Variants in CA10 observed in about 807,000 individuals in gnomAD.
CA10 encodes the protein carbonic anhydrase-related protein 10.
A neutral mutation model predicts 44.2 loss-of-function variants in CA10; 14 were observed. That is an observed-to-expected ratio of 0.32 (90% CI 0.21 to 0.50). The LOEUF (loss-of-function observed/expected upper bound fraction) is 0.50. Ranked by LOEUF, CA10 falls within the 20% of genes least tolerant of loss-of-function variation. The pLI is 0.99. For synonymous variants in CA10, 159 were observed against 141.6 expected (o/e 1.12, Z -0.87); for missense variants, 350 against 409.7 (o/e 0.85, Z 1.26).
At chr17:51,748,843 C>T (rs918002046) in intron 3 of CA10, among the ~76,000 whole-genome samples, 1 of 152,184 alleles carries the variant, frequency 6.6e-6, no homozygotes, top group Non-Finnish European at 1.5e-5. Context: ...TTTTACCTGC[C>T]TCTTTTCCAC....
At chr17:52,016,696 T>C (rs1458332912) in intron 2 of CA10, among the ~76,000 whole-genome samples, 4 of 152,080 alleles carry the variant, frequency 2.6e-5, no homozygotes, top group Non-Finnish European at 5.9e-5. Flanking sequence ...ATAGATCACT[T>C]TAGGTCAGAG....
chr17:52,138,973 A>G (rs142200035), intron 1 of CA10, among the ~76,000 whole-genome samples: 1 of 152,372 alleles, frequency 6.6e-6, no homozygotes, highest in Non-Finnish European at 1.5e-5. Context: ...AAATTGGAAC[A>G]GCAGACAATC....
intron 3 of CA10, among the ~76,000 whole-genome samples, chr17:51,807,502 C>T (rs2143731132): frequency 6.6e-6 from 1 of 152,274 alleles, no homozygotes; most frequent in South Asian, 2.1e-4. Context: ...TCTGTTTTCT[C>T]ACCACTAATT....
At chr17:51,977,931 C>G (rs1197604066) in intron 2 of CA10, among the ~76,000 whole-genome samples, 1 of 151,998 alleles carries the variant, frequency 6.6e-6, no homozygotes, top group Non-Finnish European at 1.5e-5. Flanking sequence ...TCAAAATATT[C>G]AAATCATAAA....
rs146272183 is a variant in CA10 at position 51,640,630 on chromosome 17, G to A, written c.635-4621C>T. On this transcript the variant is annotated intron_variant, in intron 6 of 8. Transcript: ENST00000451037. ...ACTTTCTGCATCTTCTTTTCTCTCT[G>A]TTGAAGCTTGCTTTGTATGTTTGAT... Among the ~76,000 whole-genome samples the A allele has an allele frequency of 1.0e-3, 152 of 152,266 alleles. 3 individuals carry two copies. In the Middle Eastern group the frequency reaches 0.01, roughly 10 times the overall value.
chr17:51,988,251 T>G (rs1298289447), intron 2 of CA10, among the ~76,000 whole-genome samples: 1 of 151,968 alleles, frequency 6.6e-6, no homozygotes, highest in Non-Finnish European at 1.5e-5. Context: ...GAAATCGAGT[T>G]GGGTTTTAGA....
intron 3 of CA10, among the ~76,000 whole-genome samples, chr17:51,885,531 C>T (rs1258357788): frequency 2.6e-5 from 4 of 152,224 alleles, no homozygotes; most frequent in Admixed American, 2.0e-4. Flanking sequence ...TAAAATCTTA[C>T]ACATTCTCCT....
At chr17:51,925,817 C>T (rs1221594121) in intron 3 of CA10, among the ~76,000 whole-genome samples, 1 of 152,106 alleles carries the variant, frequency 6.6e-6, no homozygotes, top group Middle Eastern at 3.2e-3. Context: ...ACATTATGCT[C>T]AGTGAAATAA....
At chr17:51,765,453 G>A (rs1032919975) in intron 3 of CA10, among the ~76,000 whole-genome samples, 15 of 152,166 alleles carry the variant, frequency 9.9e-5, no homozygotes, top group South Asian at 4.2e-4. Context: ...CAGGGTCACC[G>A]TCTTCCCAAG....
At chr17:51,747,974 G>A (rs528318316) in intron 3 of CA10, among the ~76,000 whole-genome samples, 156 bp from the exon 4 acceptor site, 2 of 152,276 alleles carry the variant, frequency 1.3e-5, no homozygotes, top group East Asian at 3.9e-4. Flanking sequence ...GCCCCAGAGG[G>A]TATATGTGGG....
intron 3 of CA10, among the ~76,000 whole-genome samples, chr17:51,891,372 C>T (rs189018204): frequency 2.6e-5 from 4 of 152,278 alleles, no homozygotes; most frequent in Admixed American, 2.6e-4. Context: ...AATAGCACCA[C>T]TCAGGCAACA....
At chr17:51,751,822 A>C (rs1174097646) in intron 3 of CA10, among the ~76,000 whole-genome samples, 1 of 152,162 alleles carries the variant, frequency 6.6e-6, no homozygotes, top group Non-Finnish European at 1.5e-5. Context: ...TAGTTCTTCG[A>C]TCTCACTTCC....
At chr17:51,885,186 A>C (rs754931668) in intron 3 of CA10, among the ~76,000 whole-genome samples, 1 of 152,174 alleles carries the variant, frequency 6.6e-6, no homozygotes, top group Non-Finnish European at 1.5e-5. Context: ...AGCTCTAAGA[A>C]AGCCCAGAGT....
At chr17:51,983,900 A>G (rs1464669324) in intron 2 of CA10, among the ~76,000 whole-genome samples, 1 of 151,806 alleles carries the variant, frequency 6.6e-6, no homozygotes, top group Non-Finnish European at 1.5e-5. Context: ...TAAAAAGGTG[A>G]AAGACCTTTT....
chr17:51,785,783 T>C (rs1315884583), intron 3 of CA10, among the ~76,000 whole-genome samples: 1 of 152,234 alleles, frequency 6.6e-6, no homozygotes. Flanking sequence ...GATTTGGCTA[T>C]TTTGGGTCTT....
chr17:52,031,955 T>A (rs1986480970), intron 2 of CA10, among the ~76,000 whole-genome samples: 1 of 152,122 alleles, frequency 6.6e-6, no homozygotes, highest in Admixed American at 6.5e-5. Context: ...AATTTGAAAT[T>A]GAAAGCACTC....
intron 3 of CA10, among the ~76,000 whole-genome samples, chr17:51,877,263 A>T (rs879229434): frequency 6.6e-6 from 1 of 152,268 alleles, no homozygotes; most frequent in Admixed American, 6.5e-5. Context: ...TCAAATGGAC[A>T]TGAGGTATGT....
intron 1 of CA10, among the ~76,000 whole-genome samples, chr17:52,114,190 C>A (rs772744718): frequency 7.2e-5 from 11 of 152,188 alleles, no homozygotes; most frequent in Non-Finnish European, 2.9e-5. Context: ...CCCTTATTTC[C>A]TAGATGTTTG....
intron 3 of CA10, among the ~76,000 whole-genome samples, chr17:51,841,586 G>C (rs1978320168): frequency 6.6e-6 from 1 of 152,186 alleles, no homozygotes; most frequent in Non-Finnish European, 1.5e-5. Flanking sequence ...AATTGGACTA[G>C]AGTTCATTTC....
Sources: allele counts gnomAD v4.1 joint callset (sites outside exome capture counted in the v4.1 genomes callset), GRCh38; gene constraint gnomAD v4.1.1; transcripts MANE v1.5; gene names NCBI Gene and HGNC (gene_info 2026-07-23, HGNC 2026-07-21).